The following CHD8 variants were observed in gnomAD, a reference collection of about 807,000 sequenced individuals.
CHD8 encodes ATP-dependent chromatin remodeler CHD8.
CHD8 carries 31 observed loss-of-function variants against 279.2 expected under a neutral mutation model. The ratio of observed to expected loss-of-function variants is 0.11; its 90% confidence interval spans 0.08 to 0.15. CHD8 has a LOEUF of 0.15. Among genes scored for constraint, CHD8 ranks in the 10% least tolerant of loss-of-function variants. CHD8 has a pLI of 1.00. For synonymous variants in CHD8, 1,081 were observed against 1,139.6 expected (o/e 0.95, Z 1.04); for missense variants, 2,146 against 3,230.5 (o/e 0.66, Z 8.14).
intron 1 of CHD8, among the ~76,000 whole-genome samples, chr14:21,449,865 T>C (rs1329118373): frequency 1.3e-5 from 2 of 152,208 alleles, no homozygotes; most frequent in African/African-American, 2.4e-5. Context: ...TGAAAGGAAG[T>C]AACCACTGCC....
chr14:21,393,723 T>C lies in CHD8; in HGVS notation c.6072A>G (p.Leu2024=). The part of the protein sequence containing the change: ...TQVPSLESLT[L]KLEHEVVARS... ...TGGCCACCACCTCGTGCTCTAGCTT[T>C]AAAGTCAGACTCTCCAGACTGGGGA... The change falls in exon 32 of 38, where the codon TTA becomes TTG. Residue 2024 remains leucine (L), a synonymous_variant. Coordinates refer to ENST00000646647, the MANE Select transcript of CHD8 (RefSeq NM_001170629.2). 1.2e-6 allele frequency: 2 copies of C among 1,613,964 alleles called. No individual in the cohort carries two copies. The highest frequency in any genetic ancestry group is 1.7e-6 in the Non-Finnish European group (2 of 1,179,862).
intron 30 of CHD8, 49 bp downstream of exon 30, chr14:21,394,863 G>T (rs1887707924): frequency 6.4e-7 from 1 of 1,558,966 alleles, no homozygotes; most frequent in Non-Finnish European, 8.8e-7. Flanking sequence ...TCAGTATAGG[G>T]ACCATAACTG....
intron 30 of CHD8, 64 bp downstream of exon 30, chr14:21,394,848 G>T (rs1190116548): frequency 3.7e-5 from 56 of 1,495,858 alleles, no homozygotes; most frequent in Non-Finnish European, 5.1e-5. Context: ...TTCCTGAGAT[G>T]GCTTTCAGTA....
intron 5 of CHD8, chr14:21,419,573 TAAAAG>T (rs1235624169): frequency 2.6e-5 from 4 of 156,842 alleles, no homozygotes; most frequent in South Asian, 1.6e-4. Context: ...AATATAAAAA[TAAAAG>T]AAAACAAAAA....
Position 21,393,485 on chromosome 14 carries a change from C to G in CHD8, c.6310G>C (p.Glu2104Gln). The change falls in exon 32 of 38, where the codon GAG (glutamate) becomes CAG (glutamine). Residue 2104 changes from glutamate to glutamine, a missense_variant. Physicochemically the swap from Glu to Gln is conservative, Grantham distance 29 (BLOSUM62 2). Coordinates refer to ENST00000646647, the MANE Select transcript of CHD8 (RefSeq NM_001170629.2). ...TGTCACATGCACTCACTTAGCTTCT[C>G]TTCCTTCTCATCCTCACTCTCATCA... The part of the protein sequence containing the change: ...STDESEDEKE[E>Q]KLTDQSRSKL... The G allele has an allele frequency of 1.9e-6, 3 of 1,568,624 alleles. No homozygotes were observed. In the South Asian group the frequency reaches 3.5e-5, roughly 18 times the overall value.
At position 21,431,819 on chromosome 14, in the gene CHD8, A is replaced by G; in HGVS notation, c.-176T>C. On this transcript the variant is annotated 5_prime_UTR_variant, in exon 2 of 38. Transcript: ENST00000646647. ...TGTCAGATTGTCCTGACCTTCATGGAGCAAGATGGCTACGTCTTCAGAGGA... is the reference window on the plus strand; with the variant it reads ...TGTCAGATTGTCCTGACCTTCATGGGGCAAGATGGCTACGTCTTCAGAGGA... 1 of 1,613,620 alleles carries G rather than the reference A, an allele frequency of 6.2e-7. No homozygotes were observed. The highest frequency in any genetic ancestry group is 1.1e-5 in the South Asian group (1 of 91,076).
At chr14:21,388,365 A>G (rs1269051228) in intron 37 of CHD8, among the ~76,000 whole-genome samples, 2 of 152,258 alleles carry the variant, frequency 1.3e-5, no homozygotes, top group African/African-American at 2.4e-5. Context: ...ACAGATTTTA[A>G]AACAATACCG....
chr14:21,387,391 G>T (rs1887301009), intron 37 of CHD8, among the ~76,000 whole-genome samples: 1 of 152,184 alleles, frequency 6.6e-6, no homozygotes. Flanking sequence ...CAGCACTTTG[G>T]GAGGCTGAGG....
At chr14:21,442,769 G>A (rs1890013885) in intron 1 of CHD8, among the ~76,000 whole-genome samples, 1 of 25,184 alleles carries the variant, frequency 4.0e-5, no homozygotes, top group Non-Finnish European at 1.1e-4. Flanking sequence ...GGGAGGAGAG[G>A]GGAGGAGAGG....
At chr14:21,432,130 GTTTCT>G (rs1385467500) in intron 1 of CHD8, among the ~76,000 whole-genome samples, 1 of 152,018 alleles carries the variant, frequency 6.6e-6, no homozygotes, top group South Asian at 2.1e-4. Context: ...GTCTTTCTCC[GTTTCT>G]TTTAACAATT....
chr14:21,415,978 C>T (rs1370262322), intron 5 of CHD8, 71 bp from the exon 6 acceptor site: 1 of 1,301,386 alleles, frequency 7.7e-7, no homozygotes, highest in Non-Finnish European at 1.1e-6. Flanking sequence ...ATTATTTGCT[C>T]ATGGTCATAT....
intron 1 of CHD8, among the ~76,000 whole-genome samples, chr14:21,450,239 A>C (rs1890225126): frequency 6.6e-6 from 1 of 152,224 alleles, no homozygotes; most frequent in South Asian, 2.1e-4. Context: ...CATACACGAA[A>C]TTCTGTTATG....
At chr14:21,434,874 G>C (rs1248529956) in intron 1 of CHD8, among the ~76,000 whole-genome samples, 1 of 151,990 alleles carries the variant, frequency 6.6e-6, no homozygotes, top group East Asian at 1.9e-4. Context: ...GGGTCACCCT[G>C]GCTATATCCA....
intron 26 of CHD8, 34 bp from the exon 27 acceptor site, chr14:21,397,986 A>C: frequency 6.3e-7 from 1 of 1,578,006 alleles, no homozygotes; most frequent in Non-Finnish European, 8.6e-7. Context: ...GAAGAAAATG[A>C]GATTTGTTTT....
chr14:21,398,255 T>A (rs1427011726), intron 26 of CHD8: 2 of 160,204 alleles, frequency 1.2e-5, no homozygotes, highest in South Asian at 1.8e-4. Context: ...TTATTTATTT[T>A]TTGAGATGGA....
At chr14:21,453,700 A>G (rs1010983599) in intron 1 of CHD8, among the ~76,000 whole-genome samples, 5 of 151,882 alleles carry the variant, frequency 3.3e-5, no homozygotes, top group African/African-American at 7.3e-5. Context: ...ATTAGGCTCA[A>G]TGTAAGCTCA....
chr14:21,449,650 C>G (rs1890211705), intron 1 of CHD8, among the ~76,000 whole-genome samples: 1 of 152,242 alleles, frequency 6.6e-6, no homozygotes, highest in Non-Finnish European at 1.5e-5. Flanking sequence ...CACTTGTGAT[C>G]TAGAGTAACA....
chr14:21,428,406 T>TAAA (rs1889419789), intron 3 of CHD8, among the ~76,000 whole-genome samples, 152 bp from the exon 4 acceptor site: 3 of 152,266 alleles, frequency 2.0e-5, no homozygotes, highest in Admixed American at 6.5e-5. Flanking sequence ...ACCTACTTTT[T>TAAA]AAAATGTATT....
At position 21,408,481 on chromosome 14, in the gene CHD8, T is replaced by C. The variant is rs2139481702; in HGVS notation, c.2561A>G (p.Tyr854Cys). The change falls in exon 13 of 38, where the codon TAT becomes TGT. Residue 854 changes from tyrosine to cysteine, a missense_variant. Coordinates refer to ENST00000646647, the MANE Select transcript of CHD8 (RefSeq NM_001170629.2). The surrounding 1 kb of genome is among the most constrained non-coding windows in gnomAD (Gnocchi z 4.3). ...IQSIAFLQEV[Y>C]NVGIHGPFLV... The stretch of plus-strand genomic sequence containing the variant: ...GAAGGGACCATGGATGCCCACATTA[T>C]ATACTTCCTGCAAGAAGGCAATGGA... The C allele has an allele frequency of 6.2e-7, 1 of 1,613,926 alleles. No homozygotes were observed. The highest frequency in any genetic ancestry group is 2.2e-5 in the East Asian group (1 of 44,882).
Sources: gnomAD v4.1 joint callset for allele counts (sites outside exome capture counted in the v4.1 genomes callset) on GRCh38, gnomAD v4.1.1 for gene constraint, Gnocchi (gnomAD v3.1) non-coding constraint, MANE v1.5 for transcripts, NCBI Gene and HGNC (gene_info 2026-07-23, HGNC 2026-07-21) for gene names.